The following MSI2 variants were observed in gnomAD, a reference collection of about 807,000 sequenced individuals.
The protein encoded by MSI2 is musashi RNA binding protein 2.
A neutral mutation model predicts 45.6 loss-of-function variants in MSI2; 17 were observed. The observed-to-expected ratio is 0.37, with a 90% CI of 0.26 to 0.56. The LOEUF is 0.56. MSI2 is among the 20% of genes least tolerant of loss of function. The pLI is 0.77. For missense variants in MSI2, 293 were observed against 444.2 expected, an observed-to-expected ratio of 0.66 and a Z score of 3.06; for synonymous variants, 156 against 158.2, an observed-to-expected ratio of 0.99 and a Z score of 0.11.
At chr17:57,305,452 C>A (rs1428496951) in intron 5 of MSI2, among the ~76,000 whole-genome samples, 2 of 152,182 alleles carry the variant, frequency 1.3e-5, no homozygotes, top group Non-Finnish European at 2.9e-5. Context: ...ATAAATTAAT[C>A]TTCTGGGAAA....
intron 5 of MSI2, among the ~76,000 whole-genome samples, chr17:57,323,921 T>G (rs574222272): frequency 6.6e-6 from 1 of 152,344 alleles, no homozygotes; most frequent in African/African-American, 2.4e-5. Context: ...GATGGTTTTA[T>G]TTTTGGTGAT....
rs932310292 is a variant in MSI2 at position 57,334,801 on chromosome 17, AAAAT to A, written c.313-66567_313-66564del. On this transcript the variant is annotated intron_variant, in intron 5 of 13. Coordinates refer to ENST00000284073, the MANE Select transcript of MSI2 (RefSeq NM_138962.4). ...AGTACGAGACTCCATCTCAAAAAAAAAAATAAATAAATAAGATAAAAAAATACGT... is the reference window on the plus strand; with the variant it reads ...AGTACGAGACTCCATCTCAAAAAAAAAAATAAATAAGATAAAAAAATACGT... Among the ~76,000 whole-genome samples the A allele has an allele frequency of 2.1e-4, 32 of 152,074 alleles. 1 individual carries two copies. The East Asian group carries it at 2.3e-3, about 11-fold the overall frequency.
intron 5 of MSI2, among the ~76,000 whole-genome samples, chr17:57,329,942 T>G (rs1914108143): frequency 6.8e-6 from 1 of 147,452 alleles, no homozygotes; most frequent in African/African-American, 2.6e-5. Flanking sequence ...TTGTTTTTGT[T>G]TTTTTTTTTT....
intron 6 of MSI2, chr17:57,450,273 A>AAGAGAGAAAGAG (rs1567830663): frequency 1.8e-4 from 20 of 109,480 alleles, no homozygotes; most frequent in African/African-American, 7.5e-4. Flanking sequence ...GAAAGAAAGA[A>AAGAGAGAAAGAG]AGAAAGAAAG....
chr17:57,484,218 C>T (rs2085706935), intron 6 of MSI2, among the ~76,000 whole-genome samples: 1 of 152,186 alleles, frequency 6.6e-6, no homozygotes, highest in Admixed American at 6.5e-5. Context: ...TTTCCCTGCT[C>T]CTCAGGCAGA....
At chr17:57,408,383 G>C (rs993904911) in intron 6 of MSI2, among the ~76,000 whole-genome samples, 6 of 152,230 alleles carry the variant, frequency 3.9e-5, no homozygotes, top group Non-Finnish European at 8.8e-5. Context: ...AAAACTTTGA[G>C]ATTGTGCTAA....
chr17:57,553,977 T>C (rs893127307), intron 7 of MSI2, among the ~76,000 whole-genome samples: 1 of 152,154 alleles, frequency 6.6e-6, no homozygotes, highest in African/African-American at 2.4e-5. Flanking sequence ...GCCCTGAAAA[T>C]GGCAGAGACC....
At chr17:57,649,201 C>T (rs1910931406) in intron 10 of MSI2, among the ~76,000 whole-genome samples, 2 of 152,062 alleles carry the variant, frequency 1.3e-5, no homozygotes, top group African/African-American at 4.8e-5. Context: ...AATACGTACA[C>T]TCAATATACA....
At chr17:57,373,325 C>G (rs1024538682) in intron 5 of MSI2, among the ~76,000 whole-genome samples, 1 of 152,078 alleles carries the variant, frequency 6.6e-6, no homozygotes, top group Admixed American at 6.5e-5. Flanking sequence ...GCCCAACAAA[C>G]ATTAGTAATT....
intron 5 of MSI2, among the ~76,000 whole-genome samples, chr17:57,385,511 C>T (rs1026003806): frequency 9.2e-5 from 14 of 152,094 alleles, no homozygotes; most frequent in Non-Finnish European, 1.9e-4. Flanking sequence ...ACTAGTCAGG[C>T]ATGGTGGCAC....
At chr17:57,675,707 C>A (rs928562607) in intron 12 of MSI2, among the ~76,000 whole-genome samples, 3 of 152,202 alleles carry the variant, frequency 2.0e-5, no homozygotes, top group African/African-American at 7.2e-5. Context: ...CTCTCCCAGG[C>A]AGTTTCCTTT....
rs139447405 is a variant in MSI2, at chr17:57,430,319, A to AT, written c.405+28858dup. Among the ~76,000 whole-genome samples the AT allele has an allele frequency of 4.7e-3, 714 of 150,446 alleles. 9 individuals carry two copies. The highest frequency in any genetic ancestry group is 0.016 in the African/African-American group (637 of 40,996). On this transcript the variant is annotated intron_variant, in intron 6 of 13. Transcript: ENST00000284073. ...GTGATTGTAATTAATTAGTATAAAC[A>AT]TTTTTTTTTTCCAGCCAAATCTCAG...
intron 8 of MSI2, among the ~76,000 whole-genome samples, chr17:57,598,576 A>G (rs961785360): frequency 6.6e-6 from 1 of 152,176 alleles, no homozygotes; most frequent in African/African-American, 2.4e-5. Context: ...ACAGAATAAC[A>G]CAGGTCCCCT....
intron 6 of MSI2, among the ~76,000 whole-genome samples, chr17:57,419,817 C>CATTCTG (rs958614252): frequency 6.6e-6 from 1 of 152,192 alleles, no homozygotes; most frequent in Non-Finnish European, 1.5e-5. Flanking sequence ...TCATGAATAA[C>CATTCTG]ATTCTGACCT....
At chr17:57,416,674 C>G (rs1467697957) in intron 6 of MSI2, among the ~76,000 whole-genome samples, 1 of 152,138 alleles carries the variant, frequency 6.6e-6, no homozygotes, top group African/African-American at 2.4e-5. Flanking sequence ...GCTGGTTTCT[C>G]TTAGACACCT....
At chr17:57,471,869 G>A (rs2085443984) in intron 6 of MSI2, among the ~76,000 whole-genome samples, 1 of 152,208 alleles carries the variant, frequency 6.6e-6, no homozygotes, top group Non-Finnish European at 1.5e-5. Context: ...GCATCTGGAG[G>A]AGAGGAGAGG....
chr17:57,480,922 G>A (rs1282056685), intron 6 of MSI2, among the ~76,000 whole-genome samples: 1 of 152,174 alleles, frequency 6.6e-6, no homozygotes, highest in Non-Finnish European at 1.5e-5. Flanking sequence ...TTCCTTAGTG[G>A]CATGCAGTGA....
intron 6 of MSI2, among the ~76,000 whole-genome samples, chr17:57,421,343 C>T (rs2084391973): frequency 6.6e-6 from 1 of 152,162 alleles, no homozygotes; most frequent in African/African-American, 2.4e-5. Context: ...TAGATAGTTA[C>T]AGCTTGTGTG....
intron 5 of MSI2, among the ~76,000 whole-genome samples, chr17:57,318,498 C>G (rs1423585298): frequency 6.6e-6 from 1 of 152,048 alleles, no homozygotes; most frequent in African/African-American, 2.4e-5. Flanking sequence ...GAGAGTGTGG[C>G]CACCATATCA....
Sources: allele counts gnomAD v4.1 joint callset (sites outside exome capture counted in the v4.1 genomes callset), GRCh38; gene constraint gnomAD v4.1.1; transcripts MANE v1.5; gene names NCBI Gene and HGNC (gene_info 2026-07-23, HGNC 2026-07-21).